Variants in PKD1L1 observed in about 807,000 individuals in gnomAD.
PKD1L1 encodes the protein polycystin 1 like 1, transient receptor potential channel interacting, also known as polycystin-1-like protein 1.
A neutral mutation model predicts 323.4 loss-of-function variants in PKD1L1; 236 were observed. The observed-to-expected ratio is 0.73, with a 90% CI of 0.66 to 0.81. PKD1L1 has a LOEUF of 0.81. Among genes scored for constraint, PKD1L1 ranks in the 40% least tolerant of loss-of-function variants. The probability of loss-of-function intolerance (pLI) is 0.00; values close to 1 mark genes in which losing one functional copy is unlikely to be tolerated. For missense variants in PKD1L1, 3,320 were observed against 3,508.0 expected, an observed-to-expected ratio of 0.95 and a Z score of 1.35; for synonymous variants, 1,344 against 1,335.0, an observed-to-expected ratio of 1.01 and a Z score of -0.15.
intron 42 of PKD1L1, among the ~76,000 whole-genome samples, chr7:47,830,464 T>A (rs1316040630): frequency 6.6e-6 from 1 of 152,222 alleles, no homozygotes; most frequent in Non-Finnish European, 1.5e-5. Flanking sequence ...CAAAGCTGGA[T>A]GCTGGCGGGT....
At chr7:47,885,217 A>T (rs1048435410) in intron 18 of PKD1L1, among the ~76,000 whole-genome samples, 7 of 152,196 alleles carry the variant, frequency 4.6e-5, no homozygotes, top group African/African-American at 1.7e-4. Flanking sequence ...CCATAGCCCA[A>T]GAGTAAGCAG....
chr7:47,953,907 T>G, the PKD1L1 span, among the ~76,000 whole-genome samples: 1 of 152,244 alleles, frequency 6.6e-6, no homozygotes, highest in African/African-American at 2.4e-5. Context: ...CACTTCTGTC[T>G]GGTCATGTTT....
At chr7:47,881,723 C>T (rs10257503) in intron 20 of PKD1L1, among the ~76,000 whole-genome samples, 186 bp downstream of exon 20, 11 of 152,180 alleles carry the variant, frequency 7.2e-5, no homozygotes, top group Admixed American at 1.3e-4. Flanking sequence ...TAGCAACAGA[C>T]GCTAACTTTA....
At chr7:47,910,958 A>C (rs1787309999) in intron 8 of PKD1L1, among the ~76,000 whole-genome samples, 1 of 152,040 alleles carries the variant, frequency 6.6e-6, no homozygotes, top group Non-Finnish European at 1.5e-5. Flanking sequence ...TGCTGGGATT[A>C]CAGGCATGAA....
In PKD1L1 at chr7:47,792,726, G is replaced by A. The variant is rs2128723690; in HGVS notation, c.8427C>T (p.Ser2809=). 3 of 1,614,044 alleles carry A rather than the reference G, an allele frequency of 1.9e-6. No individual in the cohort carries two copies. Among genetic ancestry groups the A allele is most frequent in the Non-Finnish European group, 2.5e-6 (3 of 1,179,954 alleles). Residue 2809 remains serine, a synonymous_variant, in exon 56 of 57, where the codon AGC becomes AGT. Transcript: ENST00000289672. ...LLMKINGLSD[S]LQLPLLEKTS... ...TTTTTTCCAGAAGGGGGAGTTGTAG[G>A]CTGTCGGACAAACCATTAATCTTCA...
chr7:47,810,798 A>C (rs1214385648), intron 50 of PKD1L1, among the ~76,000 whole-genome samples: 2 of 152,232 alleles, frequency 1.3e-5, no homozygotes, highest in African/African-American at 2.4e-5. Flanking sequence ...CTATGTGGAC[A>C]TATTCCATCT....
In PKD1L1 at chr7:47,881,841, A is replaced by T. The variant is rs1254216473; in HGVS notation, c.3442+68T>A. 4 of 1,453,032 alleles carry T rather than the reference A, an allele frequency of 2.8e-6. No individual in the cohort carries two copies. In the African/African-American group the frequency reaches 5.7e-5, roughly 21 times the overall value. The allele number at this position is 1,453,032 out of a possible 1,614,324, so 90.0% of individuals were successfully genotyped here. A position where few individuals can be genotyped will look rare whatever the true frequency, so the allele number is the denominator to read the frequency against. On this transcript the variant is annotated intron_variant, in intron 20 of 56. Transcript: ENST00000289672. Reference sequence around the variant, plus strand: ...TAGTAAAACGAAAAGTTCAGAAGAAATTGAGGGCTGATATCTAAAAGCTTC... The same window carrying T: ...TAGTAAAACGAAAAGTTCAGAAGAATTTGAGGGCTGATATCTAAAAGCTTC...
In PKD1L1 at chr7:47,811,933, C is replaced by T. The variant is rs201532761; in HGVS notation, c.7465G>A (p.Val2489Met). The T allele has an allele frequency of 1.9e-5, 30 of 1,606,984 alleles. No homozygotes were observed. Among genetic ancestry groups the T allele is most frequent in the South Asian group, 2.2e-5 (2 of 89,220 alleles). The change falls in exon 50 of 57, where the codon GTG (valine) becomes ATG (methionine). Residue 2489 changes from valine (V) to methionine (M), a missense_variant. Physicochemically the swap from Val to Met is conservative, Grantham distance 21. Transcript: ENST00000289672. Reference sequence around the variant, plus strand: ...GGGAGGATCTCCACTCTCAGGGACACGCTGGTGAAGAGTTGGGTTGGAGGG... The same window carrying T: ...GGGAGGATCTCCACTCTCAGGGACATGCTGGTGAAGAGTTGGGTTGGAGGG... ...YNPPTQLFTSVSLRVEILPTG... is the reference protein window; with the variant it reads ...YNPPTQLFTSMSLRVEILPTG...
chr7:47,798,554 G>A (rs142536354), intron 54 of PKD1L1, among the ~76,000 whole-genome samples: 7,799 of 152,012 alleles, frequency 0.051, 259 homozygotes, highest in South Asian at 0.14. Flanking sequence ...TCAGGAGTTC[G>A]AGACCAGCCT....
At chr7:47,938,244 T>G (rs1801984525) in intron 3 of PKD1L1, among the ~76,000 whole-genome samples, 1 of 152,154 alleles carries the variant, frequency 6.6e-6, no homozygotes, top group African/African-American at 2.4e-5. Context: ...GGACATCAGG[T>G]GCTTCATCTT....
intron 19 of PKD1L1, among the ~76,000 whole-genome samples, chr7:47,883,288 G>A (rs959148228): frequency 3.9e-5 from 6 of 152,142 alleles, no homozygotes; most frequent in Non-Finnish European, 2.9e-5. Flanking sequence ...ATTACAAAAG[G>A]CCCAGCCTGC....
At chr7:47,829,233 T>TA (rs551905648) in intron 44 of PKD1L1, among the ~76,000 whole-genome samples, 192 bp downstream of exon 44, 249 of 151,214 alleles carry the variant, frequency 1.6e-3, no homozygotes, top group Middle Eastern at 6.9e-3. Context: ...GGATTGGAGT[T>TA]AAAAAAAAAT....
In PKD1L1 at chr7:47,886,053, A is replaced by G. The variant is rs1469041347; in HGVS notation, c.2838T>C (p.Val946=). 1.2e-6 allele frequency: 2 copies of G among 1,600,128 alleles called. No individual in the cohort carries two copies. The highest frequency in any genetic ancestry group is 1.7e-6 in the Non-Finnish European group (2 of 1,172,956). ...VNATEKNRIE[V]PFCRVVGLLG... is the part of the protein sequence containing the mutation. The stretch of plus-strand genomic sequence containing the variant: ...GCAGCCCCACTACTCTGCAGAAGGG[A>G]ACTTAAGCAAACGTTTGGCAGTGTT... Residue 946 remains valine, a splice_region_variant and synonymous_variant, in exon 18 of 57, where the codon GTT becomes GTC. Transcript: ENST00000289672.
intron 46 of PKD1L1, among the ~76,000 whole-genome samples, chr7:47,817,726 C>A (rs1163430834): frequency 6.6e-6 from 1 of 152,002 alleles, no homozygotes; most frequent in East Asian, 1.9e-4. Flanking sequence ...TAAAATTAGC[C>A]AGACATGGTG....
At chr7:47,942,441 G>A (rs1366947132) in intron 2 of PKD1L1, among the ~76,000 whole-genome samples, 4 of 145,216 alleles carry the variant, frequency 2.8e-5, no homozygotes, top group African/African-American at 1.0e-4. Context: ...CCTGCCCCGC[G>A]CCCCCGCCCC....
intron 26 of PKD1L1, among the ~76,000 whole-genome samples, chr7:47,862,465 C>T (rs933187388): frequency 3.3e-5 from 5 of 152,280 alleles, no homozygotes; most frequent in Middle Eastern, 6.8e-3. Context: ...TGAGCGCCTG[C>T]CATGCGTTAC....
At chr7:47,802,845 G>T (rs1784693613) in intron 53 of PKD1L1, among the ~76,000 whole-genome samples, 1 of 152,218 alleles carries the variant, frequency 6.6e-6, no homozygotes. Flanking sequence ...AACTGTGCCT[G>T]TCCATAGCTT....
At chr7:47,853,706 G>A (rs1785832199) in intron 30 of PKD1L1, among the ~76,000 whole-genome samples, 1 of 146,590 alleles carries the variant, frequency 6.8e-6, no homozygotes. Flanking sequence ...TCACACCATT[G>A]CACTCCAACC....
chr7:47,955,663 G>A, the PKD1L1 span, among the ~76,000 whole-genome samples: 14 of 152,178 alleles, frequency 9.2e-5, no homozygotes, highest in East Asian at 3.9e-4. Flanking sequence ...AGAATATTTC[G>A]TGTTTTTCCA....
Sources: allele counts gnomAD v4.1 joint callset (sites outside exome capture counted in the v4.1 genomes callset), GRCh38; gene constraint gnomAD v4.1.1; transcripts MANE v1.5; gene names NCBI Gene and HGNC (gene_info 2026-07-23, HGNC 2026-07-21).